Variants in PATJ observed in about 807,000 individuals in gnomAD.
The protein encoded by PATJ is PATJ crumbs cell polarity complex component.
A neutral mutation model predicts 224.9 loss-of-function variants in PATJ; 190 were observed. The observed-to-expected ratio is 0.84, with a 90% CI of 0.75 to 0.95. PATJ has a LOEUF of 0.95. PATJ is among the 40% of genes least tolerant of loss of function. PATJ has a pLI of 0.00. For missense variants in PATJ, 2,121 were observed against 2,270.3 expected, an observed-to-expected ratio of 0.93 and a Z score of 1.34; for synonymous variants, 769 against 820.3, an observed-to-expected ratio of 0.94 and a Z score of 1.07.
chr1:62,031,474 A>G (rs977972618), intron 29 of PATJ, among the ~76,000 whole-genome samples: 6 of 152,242 alleles, frequency 3.9e-5, no homozygotes, highest in African/African-American at 7.2e-5. Flanking sequence ...GGACCCACAT[A>G]TGAAATGTGG....
intron 5 of PATJ, among the ~76,000 whole-genome samples, chr1:61,770,852 G>T (rs1460147609): frequency 6.7e-6 from 1 of 149,442 alleles, no homozygotes; most frequent in African/African-American, 2.4e-5. Flanking sequence ...TGAGGCTGCA[G>T]TGAGGTGTGA....
intron 30 of PATJ, among the ~76,000 whole-genome samples, chr1:62,044,482 A>T (rs10493314): frequency 0.032 from 4,823 of 152,310 alleles, 272 homozygotes; most frequent in East Asian, 0.25. Flanking sequence ...GGGAAACCCA[A>T]TTAAGAAGCC....
chr1:62,076,721 C>T lies in PATJ; in HGVS notation c.4126-2729C>T, dbSNP rs1658364612. Among the ~76,000 whole-genome samples the T allele has an allele frequency of 2.6e-5, 4 of 152,142 alleles. No individual in the cohort carries two copies. The South Asian group carries it at 6.2e-4, about 24-fold the overall frequency. ...CAATCATCTCATGCTATAGAAAAGT[C>T]GTAATTTAGTAATCTAGATTGCTCT... On this transcript the variant is annotated intron_variant, in intron 31 of 43. Transcript: ENST00000642238.
At chr1:61,896,776 C>A (rs890825715) in intron 22 of PATJ, among the ~76,000 whole-genome samples, 1 of 152,100 alleles carries the variant, frequency 6.6e-6, no homozygotes, top group Non-Finnish European at 1.5e-5. Context: ...GGAGTTCTCA[C>A]GAGATCTGAT....
chr1:61,895,524 G>A (rs1394855257), intron 22 of PATJ, among the ~76,000 whole-genome samples: 1 of 152,242 alleles, frequency 6.6e-6, no homozygotes, highest in East Asian at 1.9e-4. Context: ...GCTTCAGAGG[G>A]TGCAAGCCCC....
chr1:62,011,087 T>G (rs1363223226), intron 28 of PATJ, among the ~76,000 whole-genome samples: 2 of 152,238 alleles, frequency 1.3e-5, no homozygotes, highest in Non-Finnish European at 2.9e-5. Flanking sequence ...TGATTCCAAC[T>G]TCTATCCAGA....
intron 1 of PATJ, among the ~76,000 whole-genome samples, chr1:61,755,740 T>A (rs1645600235): frequency 6.6e-6 from 1 of 152,230 alleles, no homozygotes; most frequent in African/African-American, 2.4e-5. Flanking sequence ...AGAACTGATA[T>A]TTTTGTAAAA....
intron 33 of PATJ, among the ~76,000 whole-genome samples, chr1:62,089,072 C>T (rs1558152230): frequency 6.6e-6 from 1 of 151,952 alleles, no homozygotes; most frequent in East Asian, 1.9e-4. Context: ...AAATAAAAGT[C>T]TTTTTACATT....
At chr1:61,773,982 T>C (rs536621710) in intron 6 of PATJ, among the ~76,000 whole-genome samples, 15 of 151,580 alleles carry the variant, frequency 9.9e-5, no homozygotes, top group African/African-American at 3.4e-4. Context: ...TAGCCGGGCG[T>C]GGTGGCAGGT....
chr1:62,049,357 C>T (rs1446030533), intron 30 of PATJ, among the ~76,000 whole-genome samples: 2 of 151,816 alleles, frequency 1.3e-5, no homozygotes, highest in East Asian at 3.9e-4. Context: ...TTCTCCCTGA[C>T]ATTACCAATA....
chr1:61,916,991 C>T (rs1673544552), intron 26 of PATJ, among the ~76,000 whole-genome samples: 2 of 152,184 alleles, frequency 1.3e-5, no homozygotes, highest in South Asian at 4.1e-4. Flanking sequence ...ATACCTTAAA[C>T]ACTAATCTTA....
chr1:61,936,139 G>A (rs914786074), intron 27 of PATJ, among the ~76,000 whole-genome samples: 8 of 151,626 alleles, frequency 5.3e-5, no homozygotes, highest in Non-Finnish European at 8.8e-5. Flanking sequence ...GAACATTTAG[G>A]ACATTTTCAT....
intron 43 of PATJ, among the ~76,000 whole-genome samples, chr1:62,158,721 A>AAG (rs143601482): frequency 6.6e-5 from 2 of 30,324 alleles, no homozygotes; most frequent in Non-Finnish European, 1.5e-4. Context: ...ACTCTGTCTC[A>AAG]AAAAAAAAAC....
chr1:61,784,069 A>G (rs1486545968), intron 7 of PATJ, among the ~76,000 whole-genome samples: 1 of 152,182 alleles, frequency 6.6e-6, no homozygotes. Flanking sequence ...ACAGGTGTAC[A>G]TTCACTGTAA....
chr1:61,778,245 G>A (rs1289641820), intron 7 of PATJ, among the ~76,000 whole-genome samples: 6 of 151,948 alleles, frequency 3.9e-5, no homozygotes, highest in Non-Finnish European at 2.9e-5. Context: ...CAAACTCCTG[G>A]CCTGAAGCGA....
At chr1:61,867,572 AATTTTTT>A (rs756057865) in intron 20 of PATJ, among the ~76,000 whole-genome samples, 10 of 51,300 alleles carry the variant, frequency 1.9e-4, no homozygotes, top group South Asian at 8.0e-4. Flanking sequence ...AAATCTGTAA[AATTTTTT>A]TTTTTTTTTT....
At chr1:61,943,530 C>A (rs994469943) in intron 27 of PATJ, among the ~76,000 whole-genome samples, 5 of 152,152 alleles carry the variant, frequency 3.3e-5, no homozygotes, top group African/African-American at 2.4e-5. Context: ...GGCAGTGAGG[C>A]TGGGGGAGGG....
At chr1:61,927,209 A>G (rs1675337744) in intron 26 of PATJ, among the ~76,000 whole-genome samples, 1 of 152,236 alleles carries the variant, frequency 6.6e-6, no homozygotes, top group East Asian at 1.9e-4. Flanking sequence ...TGTGTTGACC[A>G]TCTATAAATT....
At chr1:61,955,388 C>G (rs1185584225) in intron 27 of PATJ, among the ~76,000 whole-genome samples, 2 of 152,086 alleles carry the variant, frequency 1.3e-5, no homozygotes, top group African/African-American at 2.4e-5. Flanking sequence ...CTGGAAGGCC[C>G]TCTGGAAGAG....
Sources: gnomAD v4.1 joint callset for allele counts (sites outside exome capture counted in the v4.1 genomes callset) on GRCh38, gnomAD v4.1.1 for gene constraint, MANE v1.5 for transcripts, NCBI Gene and HGNC (gene_info 2026-07-23, HGNC 2026-07-21) for gene names.